Variants in FAM78A observed in about 807,000 individuals in gnomAD.
The protein encoded by FAM78A is family with sequence similarity 78 member A.
Under a neutral mutation model 22.6 loss-of-function variants are expected in FAM78A, and 12 were observed. The ratio of observed to expected loss-of-function variants is 0.53; its 90% confidence interval spans 0.34 to 0.86. The LOEUF (loss-of-function observed/expected upper bound fraction) is 0.86, where lower values mean the gene tolerates loss of function less well. Among genes scored for constraint, FAM78A ranks in the 40% least tolerant of loss-of-function variants. The probability of loss-of-function intolerance (pLI) is 0.02; values close to 1 mark genes in which losing one functional copy is unlikely to be tolerated. For synonymous variants in FAM78A, 151 were observed against 155.8 expected (o/e 0.97, Z 0.23); for missense variants, 322 against 396.1 (o/e 0.81, Z 1.59).
In FAM78A at chr9:131,271,471, A is replaced by T. The variant is rs1835421168; in HGVS notation, c.323+4386T>A. 2.0e-5 allele frequency among the ~76,000 whole-genome samples: 3 copies of T among 152,228 alleles called. No individual in the cohort carries two copies. The South Asian group carries it at 6.2e-4, about 31-fold the overall frequency. ...AAGGTCTTATCATCACAAGCCTATG[A>T]GAGAAGACTCATATTCCCATGTCAT... On this transcript the variant is annotated intron_variant, in intron 1 of 1. Transcript: ENST00000372271.
In FAM78A at chr9:131,276,213, C is replaced by T. The variant is rs1444784481; in HGVS notation, c.-34G>A. The T allele has an allele frequency of 6.4e-7, 1 of 1,555,852 alleles. No homozygotes were observed. The highest frequency in any genetic ancestry group is 8.8e-7 in the Non-Finnish European group (1 of 1,141,986). ...CAGAGGCTGCAGGACCCAGTACAGA[C>T]GGCGCTGCTCTCCAATCTCAACTCT... On this transcript the variant is annotated 5_prime_UTR_variant, in exon 1 of 2. Transcript: ENST00000372271. This position sits in a 1 kb window ranked among gnomAD's most constrained non-coding sequence, Gnocchi z 4.3.
chr9:131,280,253 G>A (rs1201724096), upstream of FAM78A, among the ~76,000 whole-genome samples: 1 of 152,028 alleles, frequency 6.6e-6, no homozygotes, highest in Non-Finnish European at 1.5e-5. Flanking sequence ...CCAGGGTTCT[G>A]GTGGCTTCCC....
intron 1 of FAM78A, among the ~76,000 whole-genome samples, chr9:131,269,091 A>G: frequency 1.4e-5 from 2 of 139,468 alleles, no homozygotes; most frequent in Admixed American, 1.5e-4. Context: ...ACAAGAACAA[A>G]ACTTCGTCTC....
chr9:131,267,607 T>C (rs899801801), intron 1 of FAM78A, among the ~76,000 whole-genome samples: 32 of 152,188 alleles, frequency 2.1e-4, no homozygotes, highest in African/African-American at 7.0e-4. Context: ...TATACAGATA[T>C]ACAGATATAT....
At chr9:131,280,682 G>A (rs150625245), upstream of FAM78A, among the ~76,000 whole-genome samples, 1 of 152,196 alleles carries the variant, frequency 6.6e-6, no homozygotes, top group Non-Finnish European at 1.5e-5. Flanking sequence ...GAGAAGTCAT[G>A]AAAACCCAAA....
At chr9:131,269,000 C>T (rs575103974) in intron 1 of FAM78A, among the ~76,000 whole-genome samples, 55 of 151,262 alleles carry the variant, frequency 3.6e-4, no homozygotes, top group African/African-American at 1.3e-3. Flanking sequence ...AGTTCAAAAC[C>T]AGCCTGACTA....
chr9:131,278,141 AT>A (rs1835508777), upstream of FAM78A, among the ~76,000 whole-genome samples: 2 of 151,388 alleles, frequency 1.3e-5, no homozygotes, highest in East Asian at 3.9e-4. Flanking sequence ...CCCCCTGGTA[AT>A]CCCTCGCTCC....
chr9:131,260,852 C>A lies in FAM78A; in HGVS notation c.822G>T (p.Pro274=), dbSNP rs776961516. The A allele has an allele frequency of 2.6e-6, 4 of 1,524,768 alleles. No homozygotes were observed. Among genetic ancestry groups the A allele is most frequent in the Non-Finnish European group, 1.8e-6 (2 of 1,135,898 alleles). 94.5% of individuals were successfully genotyped at this position (1,524,768 alleles called of 1,614,324 possible). The change falls in exon 2 of 2, where the codon CCG becomes CCT. Residue 274 remains proline, a synonymous_variant. Coordinates refer to ENST00000372271, the MANE Select transcript of FAM78A (RefSeq NM_033387.4). The surrounding 1 kb of genome is among the most constrained non-coding windows in gnomAD (Gnocchi z 5.4). ...GGTGCTTGGGCGGGATCACCACCAG[C>A]GGCTGCCCGTACTTGGGCCGCCACA... ...VLMWRPKYGQ[P]LVVIPPKHR is the part of the protein sequence containing the mutation.
At chr9:131,280,469 A>ATGTTGGG (rs1385849411), upstream of FAM78A, among the ~76,000 whole-genome samples, 20 of 152,160 alleles carry the variant, frequency 1.3e-4, no homozygotes, top group African/African-American at 4.8e-4. Context: ...GCCCAACAGC[A>ATGTTGGG]CAGGGCACTC....
At chr9:131,270,391 C>A in intron 1 of FAM78A, 1 of 717,552 alleles carries the variant, frequency 1.4e-6, no homozygotes, top group Non-Finnish European at 2.6e-6. Flanking sequence ...CTCCAATCAG[C>A]AAAACAAAGG....
Position 131,276,153 on chromosome 9 carries a change from C to T in FAM78A, c.27G>A (p.Trp9Ter), listed in dbSNP as rs1230863306. Reference sequence around the variant, plus strand: ...GGAGCGCTCTGATCTCCAGGGAAGGCCAGCAGTCACAGAAAAAACCAGGCA... The same window carrying T: ...GGAGCGCTCTGATCTCCAGGGAAGGTCAGCAGTCACAGAAAAAACCAGGCA... Reference protein sequence around the residue: MPGFFCDCWPSLEIRALLY... With the variant: MPGFFCDC The change falls in exon 1 of 2, where the codon TGG becomes TGA. Residue 9 changes from tryptophan (W) to a stop codon, truncating the protein, a stop_gained. Transcript: ENST00000372271. LOFTEE classifies it high-confidence loss of function. The surrounding 1 kb of genome is among the most constrained non-coding windows in gnomAD (Gnocchi z 4.3). 1 of 1,612,588 alleles carries T rather than the reference C, an allele frequency of 6.2e-7. No homozygotes were observed. Among genetic ancestry groups the T allele is most frequent in the Non-Finnish European group, 8.5e-7 (1 of 1,179,398 alleles).
rs1370481215 is a variant in FAM78A at position 131,274,240 on chromosome 9, T to A, written c.323+1617A>T. Among the ~76,000 whole-genome samples the A allele has an allele frequency of 6.6e-6, 1 of 152,242 alleles. No homozygotes were observed. The highest frequency in any genetic ancestry group is 6.5e-5 in the Admixed American group (1 of 15,284). On this transcript the variant is annotated intron_variant, in intron 1 of 1. Coordinates refer to ENST00000372271, the MANE Select transcript of FAM78A (RefSeq NM_033387.4). The surrounding 1 kb of genome is among the most constrained non-coding windows in gnomAD (Gnocchi z 4.2). ...ATCCAGTCCCGTGAGTGCTCATGTC[T>A]TTCCAAGTTCAGAAGAACCCACTGG...
At chr9:131,273,327 C>T (rs921221531) in intron 1 of FAM78A, among the ~76,000 whole-genome samples, 1 of 152,240 alleles carries the variant, frequency 6.6e-6, no homozygotes, top group Non-Finnish European at 1.5e-5. Flanking sequence ...TGCTCCAAGC[C>T]GCCCCTCCCA....
upstream of FAM78A, among the ~76,000 whole-genome samples, chr9:131,279,653 C>T (rs980803440): frequency 3.9e-5 from 6 of 152,170 alleles, no homozygotes; most frequent in South Asian, 2.1e-4. Flanking sequence ...GGTGATTTCC[C>T]GGGGGTGGGC....
rs529564756 is a variant in FAM78A, at chr9:131,275,416, C to T, written c.323+441G>A. Among the ~76,000 whole-genome samples, 3 of 152,358 alleles carry T rather than the reference C, an allele frequency of 2.0e-5. No homozygotes were observed. The highest frequency in any genetic ancestry group is 6.5e-5 in the Admixed American group (1 of 15,314). On this transcript the variant is annotated intron_variant, in intron 1 of 1. Coordinates refer to ENST00000372271, the MANE Select transcript of FAM78A (RefSeq NM_033387.4). This position sits in a 1 kb window ranked among gnomAD's most constrained non-coding sequence, Gnocchi z 4.6. ...CCCAATCGCAAAGCCCTGAACACAC[C>T]GGTCTGGGAGTTGCAGAGTGCCTGA...
chr9:131,266,526 C>T (rs915062278), intron 1 of FAM78A, among the ~76,000 whole-genome samples: 3 of 152,046 alleles, frequency 2.0e-5, no homozygotes, highest in Non-Finnish European at 4.4e-5. Context: ...TCCTCCCCCC[C>T]ACTTCCTCCT....
chr9:131,274,666 T>C lies in FAM78A; in HGVS notation c.323+1191A>G, dbSNP rs1376584734. Among the ~76,000 whole-genome samples, 1 of 152,222 alleles carries C rather than the reference T, an allele frequency of 6.6e-6. No homozygotes were observed. The highest frequency in any genetic ancestry group is 1.5e-5 in the Non-Finnish European group (1 of 68,044). ...TAAGTAGAGAAGCCACCAGACTTGG[T>C]GTCCCGCCATCCTCCACCCCTCTCA... On this transcript the variant is annotated intron_variant, in intron 1 of 1. Coordinates refer to ENST00000372271, the MANE Select transcript of FAM78A (RefSeq NM_033387.4). This position sits in a 1 kb window ranked among gnomAD's most constrained non-coding sequence, Gnocchi z 4.2.
chr9:131,276,847 G>T (rs1835493367), upstream of FAM78A, among the ~76,000 whole-genome samples: 1 of 149,278 alleles, frequency 6.7e-6, no homozygotes. This position sits in a 1 kb window ranked among gnomAD's most constrained non-coding sequence, Gnocchi z 4.3. Context: ...ACGCAGGGGC[G>T]CCGCGTCCCT....
chr9:131,266,710 C>T (rs76416802), intron 1 of FAM78A, among the ~76,000 whole-genome samples: 2,835 of 137,688 alleles, frequency 0.021, 80 homozygotes, highest in African/African-American at 0.077. Context: ...CACTCATCTG[C>T]TGCCAGTCTC....
Sources: allele counts gnomAD v4.1 joint callset (sites outside exome capture counted in the v4.1 genomes callset), GRCh38; gene constraint gnomAD v4.1.1; non-coding constraint Gnocchi (gnomAD v3.1); transcripts MANE v1.5; gene names NCBI Gene and HGNC (gene_info 2026-07-23, HGNC 2026-07-21).